Variants in DCBLD2 observed in about 807,000 individuals in gnomAD.
DCBLD2 encodes discoidin, CUB and LCCL domain containing 2.
In DCBLD2, 54 loss-of-function variants were observed where a neutral mutation model predicts 86.8. The observed-to-expected ratio is 0.62, with a 90% CI of 0.50 to 0.78. The LOEUF is 0.78. Among genes scored for constraint, DCBLD2 ranks in the 30% least tolerant of loss-of-function variants. The pLI is 0.00. For synonymous variants in DCBLD2, 354 were observed against 341.3 expected (o/e 1.04, Z -0.41); for missense variants, 908 against 954.2 (o/e 0.95, Z 0.64).
chr3:98,874,334 A>T (rs1480283041), intron 2 of DCBLD2, among the ~76,000 whole-genome samples: 1 of 152,220 alleles, frequency 6.6e-6, no homozygotes, highest in African/African-American at 2.4e-5. Flanking sequence ...TACTAATAAA[A>T]TATTAGGAAA....
chr3:98,840,624 T>C (rs1942603206), intron 3 of DCBLD2, among the ~76,000 whole-genome samples: 1 of 152,032 alleles, frequency 6.6e-6, no homozygotes, highest in South Asian at 2.1e-4. Context: ...GCCTCCCAAG[T>C]AGCTAAAACT....
chr3:98,816,456 T>C (rs1942025621), intron 9 of DCBLD2, among the ~76,000 whole-genome samples: 1 of 152,174 alleles, frequency 6.6e-6, no homozygotes, highest in African/African-American at 2.4e-5. Context: ...AATATGGATG[T>C]GGCAGGAGTA....
intron 3 of DCBLD2, among the ~76,000 whole-genome samples, chr3:98,834,245 A>T (rs1942382761): frequency 6.6e-6 from 1 of 150,466 alleles, no homozygotes; most frequent in African/African-American, 2.4e-5. Flanking sequence ...TAGAATTCAC[A>T]AAGATCAAAT....
intron 2 of DCBLD2, among the ~76,000 whole-genome samples, chr3:98,869,742 G>A (rs1389886651): frequency 1.2e-4 from 19 of 152,312 alleles, no homozygotes; most frequent in Admixed American, 7.8e-4. Flanking sequence ...CATTAGAATT[G>A]TCTGAATCAT....
rs1205093936 is a variant in DCBLD2, at chr3:98,836,835, C to G, written c.572-11469G>C. On this transcript the variant is annotated intron_variant, in intron 3 of 15. Transcript: ENST00000326840. ...GCCGGGCAGGGGGCCGACCCCCCCA[C>G]CTCCCTCCCGGACGGGGCGGCTGGC... Among the ~76,000 whole-genome samples, 480 of 60,000 alleles carry G rather than the reference C, an allele frequency of 8.0e-3. 57 individuals are homozygous for G. The highest frequency in any genetic ancestry group is 0.026 in the African/African-American group (458 of 17,310). The allele number at this position is 60,000 out of a possible 152,430, so 39.4% of individuals were successfully genotyped here.
At chr3:98,900,666 C>T (rs953385082) in intron 1 of DCBLD2, 7 of 184,988 alleles carry the variant, frequency 3.8e-5, no homozygotes, top group Admixed American at 2.8e-4. Flanking sequence ...AGAAACTATT[C>T]CATTCGCTTC....
chr3:98,802,289 C>T (rs1941737301), intron 13 of DCBLD2, among the ~76,000 whole-genome samples: 1 of 152,174 alleles, frequency 6.6e-6, no homozygotes, highest in Non-Finnish European at 1.5e-5. Flanking sequence ...TTTTGATTTG[C>T]ATTTCTCTGA....
At chr3:98,817,201 T>C (rs1010262458) in intron 9 of DCBLD2, among the ~76,000 whole-genome samples, 3 of 152,180 alleles carry the variant, frequency 2.0e-5, no homozygotes, top group African/African-American at 7.2e-5. Context: ...TTCCTCTGGC[T>C]CATTCCAGCA....
rs970037724 is a variant in DCBLD2, at chr3:98,797,765, T to C, written c.*1607A>G. ...TGTTTTAGAATACTGATATAATTCA[T>C]GGAAACAAGAAAACAAATACTGTTC... is the stretch of plus-strand genomic sequence containing the variant. On this transcript the variant is annotated 3_prime_UTR_variant, in exon 16 of 16. Coordinates refer to ENST00000326840, the MANE Select transcript of DCBLD2 (RefSeq NM_080927.4). 2.0e-5 allele frequency: 3 copies of C among 152,194 alleles called. No individual in the cohort carries two copies. Among genetic ancestry groups the C allele is most frequent in the Non-Finnish European group, 4.4e-5 (3 of 68,032 alleles). 9.4% of individuals were successfully genotyped at this position (152,194 alleles called of 1,614,324 possible). A position where few individuals can be genotyped will look rare whatever the true frequency, so the allele number is the denominator to read the frequency against.
At position 98,877,615 on chromosome 3, in the gene DCBLD2, T is replaced by G. The variant is rs147626327; in HGVS notation, c.433+3925A>C. Among the ~76,000 whole-genome samples the G allele has an allele frequency of 4.3e-4, 66 of 152,312 alleles. No individual in the cohort carries two copies. In the East Asian group the frequency reaches 0.01, roughly 24 times the overall value. On this transcript the variant is annotated intron_variant, in intron 2 of 15. Transcript: ENST00000326840. ...TAACAGGTACATGTATATACATATG[T>G]ATATACAAATGTCTATTTACTAAAT...
chr3:98,813,360 A>G (rs1427578373), intron 9 of DCBLD2: 3 of 152,180 alleles, frequency 2.0e-5, no homozygotes, highest in Non-Finnish European at 4.4e-5. Context: ...AAGTTCAAGC[A>G]ACTCTCCTGC....
intron 1 of DCBLD2, among the ~76,000 whole-genome samples, chr3:98,894,793 T>G (rs1943723677): frequency 6.6e-6 from 1 of 152,126 alleles, no homozygotes; most frequent in Admixed American, 6.5e-5. Flanking sequence ...GGTAGCAGAT[T>G]AACTCTAGAA....
intron 3 of DCBLD2, among the ~76,000 whole-genome samples, chr3:98,848,116 T>C (rs1942761114): frequency 6.6e-6 from 1 of 152,170 alleles, no homozygotes. Flanking sequence ...TTCCTGATCC[T>C]CTCCCACCTC....
intron 1 of DCBLD2, among the ~76,000 whole-genome samples, chr3:98,890,916 G>A (rs1379397275): frequency 6.6e-6 from 1 of 152,022 alleles, no homozygotes; most frequent in Non-Finnish European, 1.5e-5. Flanking sequence ...TACATACTAA[G>A]CACTTTTGCT....
chr3:98,806,255 C>T (rs1559768446), intron 13 of DCBLD2, among the ~76,000 whole-genome samples: 1 of 151,990 alleles, frequency 6.6e-6, no homozygotes, highest in Non-Finnish European at 1.5e-5. Flanking sequence ...GTGAAACTTT[C>T]CTAAATTTTT....
chr3:98,864,620 C>G (rs36157152), intron 2 of DCBLD2, among the ~76,000 whole-genome samples: 7,455 of 152,118 alleles, frequency 0.049, 252 homozygotes, highest in Non-Finnish European at 0.07. Flanking sequence ...AACCAAACAG[C>G]GCATGTTCTC....
At chr3:98,801,560 C>T (rs1182235931) in intron 14 of DCBLD2, 40 bp downstream of exon 14, 2 of 1,563,854 alleles carry the variant, frequency 1.3e-6, no homozygotes, top group Non-Finnish European at 1.7e-6. Flanking sequence ...GGAGCGACAT[C>T]CCTCTGATAG....
intron 3 of DCBLD2, among the ~76,000 whole-genome samples, chr3:98,829,002 T>C (rs1174197073): frequency 6.6e-6 from 1 of 152,148 alleles, no homozygotes; most frequent in African/African-American, 2.4e-5. Context: ...CCTAGGATTG[T>C]AGGGGGTTAA....
At chr3:98,874,265 T>C (rs1943329988) in intron 2 of DCBLD2, among the ~76,000 whole-genome samples, 1 of 152,152 alleles carries the variant, frequency 6.6e-6, no homozygotes, top group East Asian at 1.9e-4. Context: ...TACCTAAGCC[T>C]GATAAAGAAA....
Sources: allele counts gnomAD v4.1 joint callset (sites outside exome capture counted in the v4.1 genomes callset), GRCh38; gene constraint gnomAD v4.1.1; transcripts MANE v1.5; gene names NCBI Gene and HGNC (gene_info 2026-07-23, HGNC 2026-07-21).